Variants in KCNG2 observed in about 807,000 individuals in gnomAD.
KCNG2 encodes voltage-gated potassium channel regulatory subunit KCNG2.
KCNG2 carries 7 observed loss-of-function variants against 12.3 expected under a neutral mutation model. The ratio of observed to expected loss-of-function variants is 0.57; its 90% CI spans 0.32 to 1.07. The LOEUF (loss-of-function observed/expected upper bound fraction) is 1.07. Ranked by LOEUF, KCNG2 falls within the 50% of genes least tolerant of loss-of-function variation. The pLI is 0.04. For missense variants in KCNG2, 703 were observed against 726.0 expected (o/e 0.97, Z 0.36); for synonymous variants, 414 against 351.4 (o/e 1.18, Z -1.99).
intron 1 of KCNG2, among the ~76,000 whole-genome samples, chr18:79,818,787 G>C (rs546043195): frequency 6.6e-6 from 1 of 152,182 alleles, no homozygotes; most frequent in Non-Finnish European, 1.5e-5. Context: ...AGGGTGCTCC[G>C]TGGGGGCTTT....
rs1979343021 is a variant in KCNG2 at position 79,864,038 on chromosome 18, G to A, written c.371G>A (p.Arg124His). The change falls in exon 3 of 4, where the codon CGC becomes CAC. Residue 124 changes from arginine to histidine, a missense_variant. Transcript: ENST00000316249. ...GAGCGCTGCTGCCTGCGCCGCCTGC[G>A]CCGCCGCGAGGAGGAGGCGGCCGAG... The part of the protein sequence containing the change: ...RLERCCLRRL[R>H]RREEEAAEAR... The A allele has an allele frequency of 8.8e-7, 1 of 1,137,712 alleles. No homozygotes were observed. Among genetic ancestry groups the A allele is most frequent in the Admixed American group, 5.0e-5 (1 of 20,128 alleles). 70.5% of individuals were successfully genotyped at this position (1,137,712 alleles called of 1,614,324 possible). A position where few individuals can be genotyped will look rare whatever the true frequency, so the allele number is the denominator to read the frequency against.
chr18:79,837,319 C>T (rs981471807), intron 1 of KCNG2, among the ~76,000 whole-genome samples: 2 of 152,238 alleles, frequency 1.3e-5, no homozygotes, highest in African/African-American at 2.4e-5. Flanking sequence ...TTGCAGGGCA[C>T]AGCCCCCATG....
intron 3 of KCNG2, among the ~76,000 whole-genome samples, chr18:79,866,721 CTGAGAGGTCTGGGTACTGTGGT>C: frequency 8.8e-6 from 1 of 113,028 alleles, no homozygotes. Flanking sequence ...AGTCTGTGTG[CTGAGAGGTCTGGGTACTGTGGT>C]CTGGGTGCTG....
chr18:79,877,786 A>C (rs1980132342), intron 3 of KCNG2, among the ~76,000 whole-genome samples: 1 of 152,178 alleles, frequency 6.6e-6, no homozygotes, highest in Non-Finnish European at 1.5e-5. Context: ...CTAGGGAATA[A>C]AAGGTTGATG....
At chr18:79,833,137 GT>G (rs796097325) in intron 1 of KCNG2, among the ~76,000 whole-genome samples, 4 of 151,942 alleles carry the variant, frequency 2.6e-5, no homozygotes, top group African/African-American at 4.8e-5. Flanking sequence ...TTGCTACAGG[GT>G]TTTTTTTGTT....
rs1384005788 is a variant in KCNG2 at position 79,864,199 on chromosome 18, C to T, written c.532C>T (p.Leu178Phe). The T allele has an allele frequency of 9.1e-6, 14 of 1,537,510 alleles. No homozygotes were observed. Among genetic ancestry groups the T allele is most frequent in the Admixed American group, 1.8e-5 (1 of 54,192 alleles). Residue 178 changes from leucine to phenylalanine, a missense_variant, in exon 3 of 4, where the codon CTC becomes TTC. By Grantham distance (22) the Leu-to-Phe change is conservative. Coordinates refer to ENST00000316249, the MANE Select transcript of KCNG2 (RefSeq NM_012283.2). Reference protein sequence around the residue: ...DNPHSGLAGKLFACVSVSFVA... With the variant: ...DNPHSGLAGKFFACVSVSFVA... ...CCCGCACTCGGGGCTGGCGGGCAAG[C>T]TCTTCGCCTGCGTGTCCGTGTCCTT...
intron 1 of KCNG2, among the ~76,000 whole-genome samples, chr18:79,815,885 G>A (rs879432041): frequency 3.9e-5 from 6 of 152,252 alleles, no homozygotes; most frequent in Non-Finnish European, 8.8e-5. Flanking sequence ...CCACAGGGGG[G>A]TGGCAGCCAA....
At chr18:79,857,378 C>T (rs1434807374) in intron 2 of KCNG2, among the ~76,000 whole-genome samples, 2 of 151,774 alleles carry the variant, frequency 1.3e-5, no homozygotes, top group South Asian at 2.1e-4. Context: ...CATTCAGAAG[C>T]GACTTATGCA....
chr18:79,855,286 T>C (rs942997497), intron 1 of KCNG2, among the ~76,000 whole-genome samples: 14 of 152,254 alleles, frequency 9.2e-5, no homozygotes, highest in African/African-American at 3.4e-4. Context: ...CCTGCTGACA[T>C]TGGGCTGCAA....
rs1300753459 is a variant in KCNG2 at position 79,863,176 on chromosome 18, G to A, written c.-40-452G>A. 3.9e-5 allele frequency among the ~76,000 whole-genome samples: 6 copies of A among 152,378 alleles called. No individual in the cohort carries two copies. In the South Asian group the frequency reaches 1.2e-3, roughly 32 times the overall value. On this transcript the variant is annotated intron_variant, in intron 2 of 3. Coordinates refer to ENST00000316249, the MANE Select transcript of KCNG2 (RefSeq NM_012283.2). ...GTAGGGCCAGGAATGCCGTTTTCCA[G>A]CAGGTCCCCTGGCTGATTCTGACGT...
chr18:79,864,078 G>C lies in KCNG2; in HGVS notation c.411G>C (p.Pro137=). 9.4e-7 allele frequency: 1 copy of C among 1,063,360 alleles called. No homozygotes were observed. The highest frequency in any genetic ancestry group is 1.1e-6 in the Non-Finnish European group (1 of 881,710). 65.9% of individuals were successfully genotyped at this position (1,063,360 alleles called of 1,614,324 possible). The change falls in exon 3 of 4, where the codon CCG becomes CCC. Residue 137 remains proline, a synonymous_variant. Coordinates refer to ENST00000316249, the MANE Select transcript of KCNG2 (RefSeq NM_012283.2). The part of the protein sequence containing the change: ...EEEAAEARAG[P]TERGAQGSPA... ...AGGCGGCCGAGGCCCGCGCGGGGCCGACGGAGCGCGGGGCGCAGGGGAGCC... is the reference window on the plus strand; with the variant it reads ...AGGCGGCCGAGGCCCGCGCGGGGCCCACGGAGCGCGGGGCGCAGGGGAGCC...
chr18:79,849,617 G>A (rs1978747276), intron 1 of KCNG2, among the ~76,000 whole-genome samples: 2 of 152,260 alleles, frequency 1.3e-5, no homozygotes, highest in African/African-American at 4.8e-5. Context: ...TTTCTTAGCT[G>A]TCGTGGTTTC....
At chr18:79,833,903 C>T (rs896604042) in intron 1 of KCNG2, among the ~76,000 whole-genome samples, 1 of 152,168 alleles carries the variant, frequency 6.6e-6, no homozygotes, top group African/African-American at 2.4e-5. Flanking sequence ...CCAAGGGTGG[C>T]GATCCTTGCT....
chr18:79,862,942 GAGCT>G (rs1321898045), intron 2 of KCNG2, among the ~76,000 whole-genome samples: 2 of 152,220 alleles, frequency 1.3e-5, no homozygotes, highest in Non-Finnish European at 2.9e-5. Flanking sequence ...TGTCCCCGCA[GAGCT>G]GGGGAGCGAC....
chr18:79,803,447 A>G lies in KCNG2; in HGVS notation c.-115+5433A>G, dbSNP rs966113129. Among the ~76,000 whole-genome samples, 7 of 152,252 alleles carry G rather than the reference A, an allele frequency of 4.6e-5. No individual in the cohort carries two copies. The highest frequency in any genetic ancestry group is 2.0e-4 in the Admixed American group (3 of 15,288). On this transcript the variant is annotated intron_variant, in intron 1 of 3. Coordinates refer to ENST00000316249, the MANE Select transcript of KCNG2 (RefSeq NM_012283.2). This position sits in a 1 kb window ranked among gnomAD's most constrained non-coding sequence, Gnocchi z 4.5. ...AGACATCTTCTAGAAGAGGGAAGAT[A>G]GGAAATATGTATCATTGGCTTCTTT... is the stretch of plus-strand genomic sequence containing the variant.
intron 2 of KCNG2, among the ~76,000 whole-genome samples, chr18:79,862,994 C>A (rs1392320928): frequency 6.6e-6 from 1 of 152,206 alleles, no homozygotes; most frequent in African/African-American, 2.4e-5. Context: ...GCTGTTCTTT[C>A]TTAGTGCCCC....
intron 3 of KCNG2, 36 bp downstream of exon 3, chr18:79,864,327 A>AGCTGGG: frequency 9.2e-7 from 1 of 1,083,394 alleles, no homozygotes; most frequent in Non-Finnish European, 1.2e-6. Context: ...ACCGGGCCGG[A>AGCTGGG]GCTGGGGCTG....
Position 79,899,870 on chromosome 18 carries a change from A to C in KCNG2, c.*54A>C, listed in dbSNP as rs959498044. On this transcript the variant is annotated 3_prime_UTR_variant, in exon 4 of 4. Transcript: ENST00000316249. ...TGCCCCCTCCAGCTGCAGCGTCGGG[A>C]CCCCCGAGGTGCGCCAAGGGGTGGG... 3.1e-6 allele frequency: 4 copies of C among 1,285,656 alleles called. No homozygotes were observed. The African/African-American group carries it at 6.3e-5, about 20-fold the overall frequency. 79.6% of individuals were successfully genotyped at this position (1,285,656 alleles called of 1,614,324 possible).
At chr18:79,866,444 G>GGTGCTGAGAGGTCTGT (rs1568262675) in intron 3 of KCNG2, among the ~76,000 whole-genome samples, 7 of 68,496 alleles carry the variant, frequency 1.0e-4, no homozygotes, top group African/African-American at 3.9e-4. Context: ...GAGAGGTCTG[G>GGTGCTGAGAGGTCTGT]GTGCTGAGAG....
Sources: gnomAD v4.1 joint callset for allele counts (sites outside exome capture counted in the v4.1 genomes callset) on GRCh38, gnomAD v4.1.1 for gene constraint, Gnocchi (gnomAD v3.1) non-coding constraint, MANE v1.5 for transcripts, NCBI Gene and HGNC (gene_info 2026-07-23, HGNC 2026-07-21) for gene names.